The following DACH2 variants were observed in gnomAD, a reference collection of about 807,000 sequenced individuals.
The protein encoded by DACH2 is dachshund family transcription factor 2.
Under a neutral mutation model 35.8 loss-of-function variants are expected in DACH2, and 17 were observed. That is an observed-to-expected ratio of 0.48 (90% CI 0.33 to 0.71). The LOEUF (loss-of-function observed/expected upper bound fraction) is 0.71. Among genes scored for constraint, DACH2 ranks in the 30% least tolerant of loss-of-function variants. DACH2 has a pLI of 0.02. For synonymous variants in DACH2, 195 were observed against 177.3 expected (o/e 1.10, Z -0.79); for missense variants, 469 against 472.7 (o/e 0.99, Z 0.07).
intron 5 of DACH2, among the ~76,000 whole-genome samples, chrX:86,697,453 C>A (rs1481414095): frequency 9.0e-6 from 1 of 111,152 alleles, no homozygotes; most frequent in Non-Finnish European, 1.9e-5. Flanking sequence ...CCTATTACAT[C>A]ATTTCTGGCT....
rs1326891281 is a variant in DACH2 at position 86,294,340 on chromosome X, A to G, written c.489-82484A>G. The stretch of plus-strand genomic sequence containing the variant: ...ATACATTCTTCTAAATTTTTTTCAA[A>G]GTTTTCAACTTCTTTGCCTTTGGTT... On this transcript the variant is annotated intron_variant, in intron 1 of 11. Transcript: ENST00000373125. Among the ~76,000 whole-genome samples, 16 of 109,241 alleles carry G rather than the reference A, an allele frequency of 1.5e-4. 1 individual carries two copies. The Admixed American group carries it at 1.6e-3, about 11-fold the overall frequency. The allele number at this position is 109,241 out of a possible 115,157, so 94.9% of individuals were successfully genotyped here.
At chrX:86,405,841 G>A (rs2036518904) in intron 2 of DACH2, among the ~76,000 whole-genome samples, 1 of 111,721 alleles carries the variant, frequency 9.0e-6, no homozygotes, top group Admixed American at 9.5e-5. Context: ...AGTTCCAGAG[G>A]TCTGGGGAGG....
intron 1 of DACH2, among the ~76,000 whole-genome samples, chrX:86,251,522 A>G (rs2033400717): frequency 9.0e-6 from 1 of 110,926 alleles, no homozygotes; most frequent in African/African-American, 3.3e-5. Flanking sequence ...CCCAAAGTCC[A>G]TTGTATCATT....
intron 7 of DACH2, among the ~76,000 whole-genome samples, chrX:86,765,698 G>GTTTTTTTTTTTTTTTT (rs60709865): frequency 1.6e-4 from 4 of 24,637 alleles, no homozygotes; most frequent in Non-Finnish European, 2.6e-4. Context: ...TTGTTTTTTG[G>GTTTTTTTTTTTTTTTT]TTTTTTTTTT....
At chrX:86,384,203 G>A (rs766374905) in intron 2 of DACH2, among the ~76,000 whole-genome samples, 2 of 110,760 alleles carry the variant, frequency 1.8e-5, no homozygotes, top group Non-Finnish European at 3.8e-5. Flanking sequence ...AGGATAAAGA[G>A]GAAAGGCTCA....
chrX:86,357,885 C>G (rs1219611820), intron 1 of DACH2, among the ~76,000 whole-genome samples: 1 of 112,213 alleles, frequency 8.9e-6, no homozygotes, highest in Admixed American at 9.5e-5. Context: ...TTCTCCCATT[C>G]ATTCTTCAAT....
At chrX:86,473,747 A>T (rs1432762023) in intron 2 of DACH2, among the ~76,000 whole-genome samples, 1 of 111,297 alleles carries the variant, frequency 9.0e-6, no homozygotes, top group South Asian at 3.8e-4. Context: ...TGTAAGTACT[A>T]TGTTTTCTAT....
chrX:86,538,703 C>A (rs1294814372), intron 3 of DACH2, among the ~76,000 whole-genome samples: 1 of 111,199 alleles, frequency 9.0e-6, no homozygotes, highest in Non-Finnish European at 1.9e-5. Context: ...TTTTTCAATT[C>A]ATGTGGGTGG....
intron 5 of DACH2, among the ~76,000 whole-genome samples, chrX:86,710,242 G>A (rs947574077): frequency 8.9e-6 from 1 of 112,038 alleles, no homozygotes; most frequent in Non-Finnish European, 1.9e-5. Flanking sequence ...AGCGGAAATT[G>A]CTAAGTGAAA....
chrX:86,320,957 C>T (rs1411784348), intron 1 of DACH2, among the ~76,000 whole-genome samples: 4 of 111,569 alleles, frequency 3.6e-5, no homozygotes, highest in Non-Finnish European at 7.5e-5. Context: ...AAGGGTGAGC[C>T]ATTTCTCTGT....
intron 2 of DACH2, among the ~76,000 whole-genome samples, chrX:86,493,762 G>C (rs1317252495): frequency 8.9e-6 from 1 of 111,934 alleles, no homozygotes; most frequent in Non-Finnish European, 1.9e-5. Flanking sequence ...TGGTCTGCCT[G>C]ATAGTAAAAT....
chrX:86,486,149 G>A (rs2038016232), intron 2 of DACH2, among the ~76,000 whole-genome samples: 2 of 110,670 alleles, frequency 1.8e-5, no homozygotes, highest in South Asian at 3.8e-4. Context: ...CTGCTGACTG[G>A]CCCCAAGACA....
At chrX:86,797,818 T>G in intron 7 of DACH2, among the ~76,000 whole-genome samples, 1 of 111,760 alleles carries the variant, frequency 8.9e-6, no homozygotes, top group East Asian at 2.8e-4. Flanking sequence ...AAAGGATAAA[T>G]ACAAGCAATC....
intron 2 of DACH2, among the ~76,000 whole-genome samples, chrX:86,475,562 A>G (rs2037829327): frequency 8.9e-6 from 1 of 112,253 alleles, no homozygotes. Flanking sequence ...GGATTTGTTT[A>G]TAAGTTCTAA....
intron 11 of DACH2, chrX:86,830,577 CA>C (rs751665251): frequency 1.3e-4 from 14 of 111,357 alleles, no homozygotes; most frequent in African/African-American, 4.6e-4. Context: ...ATAAACATAA[CA>C]AAAGTAGAAA....
intron 1 of DACH2, among the ~76,000 whole-genome samples, chrX:86,365,717 T>C (rs898974396): frequency 9.0e-6 from 1 of 111,575 alleles, no homozygotes; most frequent in African/African-American, 3.2e-5. Flanking sequence ...CAAAGACTTT[T>C]AAACAAACAC....
intron 1 of DACH2, among the ~76,000 whole-genome samples, chrX:86,278,910 G>A (rs767564614): frequency 8.9e-6 from 1 of 112,006 alleles, no homozygotes; most frequent in East Asian, 2.8e-4. Flanking sequence ...CCCTCACAGT[G>A]TAAACAAAGC....
At chrX:86,395,188 A>G (rs1244862983) in intron 2 of DACH2, among the ~76,000 whole-genome samples, 1 of 111,243 alleles carries the variant, frequency 9.0e-6, no homozygotes, top group Non-Finnish European at 1.9e-5. Context: ...ATATAGCCCC[A>G]TTTGGATGAA....
chrX:86,610,974 A>G (rs1272221703), intron 3 of DACH2, among the ~76,000 whole-genome samples: 1 of 110,207 alleles, frequency 9.1e-6, no homozygotes, highest in Non-Finnish European at 1.9e-5. Flanking sequence ...GCTTTTCTCA[A>G]TCTGAAGGAG....
Sources: allele counts gnomAD v4.1 joint callset (sites outside exome capture counted in the v4.1 genomes callset), GRCh38; gene constraint gnomAD v4.1.1; transcripts MANE v1.5; gene names NCBI Gene and HGNC (gene_info 2026-07-23, HGNC 2026-07-21).